PPP2R1A: variants seen among roughly 807,000 people sequenced by gnomAD.
The protein encoded by PPP2R1A is serine/threonine-protein phosphatase 2A 65 kDa regulatory subunit A alpha isoform.
In PPP2R1A, 15 loss-of-function variants were observed where a neutral mutation model predicts 67.1. That is an observed-to-expected ratio of 0.22 (90% confidence interval 0.15 to 0.34). The LOEUF is 0.34. Among genes scored for constraint, PPP2R1A ranks in the 10% least tolerant of loss-of-function variants. The pLI is 1.00. For synonymous variants in PPP2R1A, 337 were observed against 325.0 expected (o/e 1.04, Z -0.40); for missense variants, 369 against 775.0 (o/e 0.48, Z 6.22).
At chr19:52,224,393 T>A (rs8100048) in intron 13 of PPP2R1A, among the ~76,000 whole-genome samples, 16,473 of 152,244 alleles carry the variant, frequency 0.11, 1,089 homozygotes, top group African/African-American at 0.19. Context: ...GACCAGGAAC[T>A]TCCCCTTGGG....
intron 6 of PPP2R1A, among the ~76,000 whole-genome samples, 178 bp from the exon 7 acceptor site, chr19:52,215,601 G>A (rs925125500): frequency 3.9e-5 from 6 of 152,200 alleles, no homozygotes; most frequent in African/African-American, 1.2e-4. Flanking sequence ...AAGAGGCTCA[G>A]CGAGGTGAAG....
At position 52,213,219 on chromosome 19, in the gene PPP2R1A, T is replaced by C; in HGVS notation, c.807+109T>C. ...ATTAGGCCGATGGAACCATTGGGCGTTTGAGCAATAAGATCTCTATGATCA... is the reference window on the plus strand; with the variant it reads ...ATTAGGCCGATGGAACCATTGGGCGCTTGAGCAATAAGATCTCTATGATCA... On this transcript the variant is annotated intron_variant, in intron 6 of 14. Transcript: ENST00000322088. The surrounding 1 kb of genome is among the most constrained non-coding windows in gnomAD (Gnocchi z 4.2). 1 of 1,335,532 alleles carries C rather than the reference T, an allele frequency of 7.5e-7. No individual in the cohort carries two copies. The highest frequency in any genetic ancestry group is 2.6e-5 in the East Asian group (1 of 38,190). The allele number at this position is 1,335,532 out of a possible 1,614,324, so 82.7% of individuals were successfully genotyped here.
Position 52,212,889 on chromosome 19 carries a change from T to G in PPP2R1A, c.651+56T>G. 6.4e-7 allele frequency: 1 copy of G among 1,567,466 alleles called. No individual in the cohort carries two copies. The highest frequency in any genetic ancestry group is 1.4e-5 in the African/African-American group (1 of 73,846). The stretch of plus-strand genomic sequence containing the variant: ...CCGTCCTTCTGGTGGTTCCTGCCCA[T>G]GAAAGAGAATCCCAGAGCTCAGCAA... On this transcript the variant is annotated intron_variant, in intron 5 of 14. Coordinates refer to ENST00000322088, the MANE Select transcript of PPP2R1A (RefSeq NM_014225.6). The surrounding 1 kb of genome is among the most constrained non-coding windows in gnomAD (Gnocchi z 4.1).
intron 2 of PPP2R1A, among the ~76,000 whole-genome samples, chr19:52,203,881 G>A (rs190581335): frequency 6.6e-6 from 1 of 152,270 alleles, no homozygotes; most frequent in Admixed American, 6.5e-5. Flanking sequence ...AAACACTTAT[G>A]TTTACTGGTT....
intron 3 of PPP2R1A, 132 bp downstream of exon 3, chr19:52,206,195 G>A (rs41275798): frequency 0.028 from 19,996 of 704,708 alleles, 378 homozygotes; most frequent in Non-Finnish European, 0.036. Context: ...ATGGACATCC[G>A]CTTTAATCCA....
intron 9 of PPP2R1A, among the ~76,000 whole-genome samples, chr19:52,218,336 G>A (rs1354916886): frequency 6.6e-6 from 1 of 152,122 alleles, no homozygotes; most frequent in Admixed American, 6.5e-5. Flanking sequence ...GCCCCTAAAA[G>A]TTACGTTATT....
intron 1 of PPP2R1A, among the ~76,000 whole-genome samples, chr19:52,197,748 T>C (rs922361564): frequency 2.0e-5 from 3 of 152,160 alleles, no homozygotes; most frequent in African/African-American, 7.2e-5. Context: ...AAGAACCTGG[T>C]GGCTGGGATT....
chr19:52,225,623 G>A lies in PPP2R1A; in HGVS notation c.1662-94G>A, dbSNP rs1021263087. 16 of 1,137,546 alleles carry A rather than the reference G, an allele frequency of 1.4e-5. No homozygotes were observed. In the East Asian group the frequency reaches 3.1e-4, roughly 22 times the overall value. The allele number at this position is 1,137,546 out of a possible 1,614,324, so 70.5% of individuals were successfully genotyped here. On this transcript the variant is annotated intron_variant, in intron 13 of 14. Coordinates refer to ENST00000322088, the MANE Select transcript of PPP2R1A (RefSeq NM_014225.6). ...CCTTGGGTTTGGTGTATCCGTGTCTGTGTACACTCTCTTGCCCAAGAGCCC... is the reference window on the plus strand; with the variant it reads ...CCTTGGGTTTGGTGTATCCGTGTCTATGTACACTCTCTTGCCCAAGAGCCC...
rs2303685 is a variant in PPP2R1A, at chr19:52,216,338, G to A, written c.994-191G>A. ...GTTGGAGTGGGGGCTGCTGAGAGCA[G>A]GGGTCATTGAACTCTTAAGTAGGTG... On this transcript the variant is annotated intron_variant, in intron 8 of 14. Transcript: ENST00000322088. This position sits in a 1 kb window ranked among gnomAD's most constrained non-coding sequence, Gnocchi z 4.3. 0.15 allele frequency among the ~76,000 whole-genome samples: 23,218 copies of A among 152,106 alleles called. 2,164 individuals carry two copies. The highest frequency in any genetic ancestry group is 0.27 in the African/African-American group (11,035 of 41,458).
intron 1 of PPP2R1A, among the ~76,000 whole-genome samples, chr19:52,195,171 C>A (rs558473479): frequency 6.6e-6 from 1 of 152,156 alleles, no homozygotes; most frequent in South Asian, 2.1e-4. Context: ...AAAAGTGGGT[C>A]CCCTTTCCAC....
rs553406548 is a variant in PPP2R1A, at chr19:52,216,025, C to T, written c.944C>T (p.Ala315Val). 3 of 1,614,098 alleles carry T rather than the reference C, an allele frequency of 1.9e-6. No homozygotes were observed. The African/African-American group carries it at 4.0e-5, about 22-fold the overall frequency. ...KVKEFCENLS[A>V]DCRENVIMSQ... ...ACAGAGTTCTGTGAAAACCTCTCAG[C>T]TGACTGTCGGGAGAATGTGATCATG... Residue 315 changes from alanine (A) to valine (V), a missense_variant, in exon 8 of 15, where the codon GCT becomes GTT. This residue lies in a region of PPP2R1A where 276 missense variants were observed against 508.4 expected (regional missense o/e 0.54). Coordinates refer to ENST00000322088, the MANE Select transcript of PPP2R1A (RefSeq NM_014225.6). This position sits in a 1 kb window ranked among gnomAD's most constrained non-coding sequence, Gnocchi z 4.3.
chr19:52,195,474 A>G (rs1226230680), intron 1 of PPP2R1A, among the ~76,000 whole-genome samples: 1 of 152,162 alleles, frequency 6.6e-6, no homozygotes, highest in Admixed American at 6.5e-5. Context: ...ATGTCCTCCA[A>G]TTCAGTTCAG....
intron 1 of PPP2R1A, among the ~76,000 whole-genome samples, chr19:52,191,996 A>G (rs1368202193): frequency 6.6e-6 from 1 of 151,980 alleles, no homozygotes; most frequent in African/African-American, 2.4e-5. Context: ...TTTTGTAGTG[A>G]GGAGAGACAG....
chr19:52,213,092 G>T lies in PPP2R1A; in HGVS notation c.789G>T (p.Val263=). The change falls in exon 6 of 15, where the codon GTG becomes GTT. Residue 263 remains valine (V), a synonymous_variant. Coordinates refer to ENST00000322088, the MANE Select transcript of PPP2R1A (RefSeq NM_014225.6). This position sits in a 1 kb window ranked among gnomAD's most constrained non-coding sequence, Gnocchi z 4.2. The stretch of plus-strand genomic sequence containing the variant: ...AGTCCTGGCGCGTCCGCTACATGGT[G>T]GCTGACAAGTTCACAGAGGTAGATG... ...EDKSWRVRYM[V]ADKFTELQKA... is the part of the protein sequence containing the mutation. The T allele has an allele frequency of 6.3e-7, 1 of 1,581,438 alleles. No homozygotes were observed.
At position 52,226,304 on chromosome 19, in the gene PPP2R1A, T is replaced by C; in HGVS notation, c.*323T>C. 2.3e-6 allele frequency: 1 copy of C among 435,894 alleles called. No individual in the cohort carries two copies. Among genetic ancestry groups the C allele is most frequent in the Non-Finnish European group, 4.1e-6 (1 of 245,366 alleles). The allele number at this position is 435,894 out of a possible 1,614,324, so 27.0% of individuals were successfully genotyped here. A position where few individuals can be genotyped will look rare whatever the true frequency, so the allele number is the denominator to read the frequency against. On this transcript the variant is annotated 3_prime_UTR_variant, in exon 15 of 15. Coordinates refer to ENST00000322088, the MANE Select transcript of PPP2R1A (RefSeq NM_014225.6). The stretch of plus-strand genomic sequence containing the variant: ...TAATGGGAACCCCTCCCCCATTTAC[T>C]TCTCCACCTCCCGTCCTCCCCATCA...
rs1462962551 is a variant in PPP2R1A, at chr19:52,219,638, C to T, written c.1129-53C>T. On this transcript the variant is annotated intron_variant, in intron 9 of 14. Coordinates refer to ENST00000322088, the MANE Select transcript of PPP2R1A (RefSeq NM_014225.6). This position sits in a 1 kb window ranked among gnomAD's most constrained non-coding sequence, Gnocchi z 4.0. ...GCAGCTGAGCTCTTTCCATCCTGTC[C>T]TGGGTTGCTGTGTGCATTGCATTCT... 1.3e-6 allele frequency: 2 copies of T among 1,535,518 alleles called. No homozygotes were observed. The highest frequency in any genetic ancestry group is 4.6e-5 in the East Asian group (2 of 43,912).
At chr19:52,214,906 A>G (rs1293901114) in intron 6 of PPP2R1A, among the ~76,000 whole-genome samples, 2 of 152,124 alleles carry the variant, frequency 1.3e-5, no homozygotes, top group South Asian at 2.1e-4. Flanking sequence ...TTGTATTTTT[A>G]GTAGAGATGG....
chr19:52,220,360 G>A (rs1480658226), intron 11 of PPP2R1A, 111 bp downstream of exon 11: 26 of 1,167,782 alleles, frequency 2.2e-5, no homozygotes, highest in Non-Finnish European at 2.8e-5. Context: ...TCCCCACGCC[G>A]CTGGATGCTC....
chr19:52,199,504 T>TG (rs1413472500), intron 1 of PPP2R1A, among the ~76,000 whole-genome samples: 1 of 152,154 alleles, frequency 6.6e-6, no homozygotes, highest in Non-Finnish European at 1.5e-5. Flanking sequence ...TTTTCAGACA[T>TG]GCATAACTTT....
Sources: allele counts gnomAD v4.1 joint callset (sites outside exome capture counted in the v4.1 genomes callset), GRCh38; gene constraint gnomAD v4.1.1; regional missense constraint gnomAD v4.1.1; non-coding constraint Gnocchi (gnomAD v3.1); transcripts MANE v1.5; gene names NCBI Gene and HGNC (gene_info 2026-07-23, HGNC 2026-07-21).